The following LINGO2 variants were observed in gnomAD, a reference collection of about 807,000 sequenced individuals.
LINGO2 encodes the protein leucine rich repeat and Ig domain containing 2, also known as leucine-rich repeat and immunoglobulin-like domain-containing nogo receptor-interacting protein 2.
In LINGO2, 14 loss-of-function variants were observed where a neutral mutation model predicts 30.6. That is an observed-to-expected ratio of 0.46 (90% CI 0.30 to 0.72). LINGO2 has a LOEUF of 0.72. Among genes scored for constraint, LINGO2 ranks in the 30% least tolerant of loss-of-function variants. The pLI is 0.07. For synonymous variants in LINGO2, 317 were observed against 288.5 expected (o/e 1.10, Z -1.00); for missense variants, 729 against 751.7 (o/e 0.97, Z 0.35).
At chr9:28,950,003 C>T in the LINGO2 span, among the ~76,000 whole-genome samples, 1 of 150,756 alleles carries the variant, frequency 6.6e-6, no homozygotes, top group Non-Finnish European at 1.5e-5. Flanking sequence ...ATCAGCAGCA[C>T]ATTAAAACTG....
At chr9:28,794,406 G>C in the LINGO2 span, among the ~76,000 whole-genome samples, 3 of 152,208 alleles carry the variant, frequency 2.0e-5, no homozygotes, top group African/African-American at 7.2e-5. Context: ...GGGAAACATT[G>C]AGTTAGTTCT....
the LINGO2 span, among the ~76,000 whole-genome samples, chr9:28,935,673 C>T: frequency 6.8e-6 from 1 of 147,120 alleles, no homozygotes; most frequent in Non-Finnish European, 1.5e-5. Flanking sequence ...GTTATAGAGT[C>T]ATAAGAGGAT....
chr9:28,873,890 T>C, the LINGO2 span, among the ~76,000 whole-genome samples: 3 of 151,832 alleles, frequency 2.0e-5, no homozygotes, highest in Admixed American at 6.6e-5. Context: ...AAAATATATA[T>C]ATATAGCTGA....
intron 2 of LINGO2, among the ~76,000 whole-genome samples, chr9:28,427,679 T>C (rs1020026376): frequency 6.6e-6 from 1 of 152,146 alleles, no homozygotes; most frequent in Non-Finnish European, 1.5e-5. Context: ...GACTTTTAAA[T>C]GAATGTCACA....
At chr9:29,033,398 A>ATATATC in the LINGO2 span, among the ~76,000 whole-genome samples, 3 of 149,764 alleles carry the variant, frequency 2.0e-5, no homozygotes, top group African/African-American at 4.9e-5. Flanking sequence ...ATATATATAT[A>ATATATC]TCTCTTCTAT....
chr9:28,912,322 C>A, the LINGO2 span, among the ~76,000 whole-genome samples: 1 of 151,930 alleles, frequency 6.6e-6, no homozygotes, highest in African/African-American at 2.4e-5. Flanking sequence ...TTCTTTTTTG[C>A]CTTTGTTGGG....
At position 28,333,070 on chromosome 9, in the gene LINGO2, T is replaced by C. The variant is rs776859361; in HGVS notation, c.-245-37704A>G. 2.6e-5 allele frequency among the ~76,000 whole-genome samples: 4 copies of C among 152,154 alleles called. No homozygotes were observed. In the East Asian group the frequency reaches 7.7e-4, roughly 29 times the overall value. On this transcript the variant is annotated intron_variant, in intron 3 of 5. Coordinates refer to ENST00000379992, the Ensembl canonical transcript of LINGO2. Reference sequence around the variant, plus strand: ...TTACGGATCAAAATCCAGCTGGTCTTTCCAAAAATCAGTCAGTAAAAAGAA... The same window carrying C: ...TTACGGATCAAAATCCAGCTGGTCTCTCCAAAAATCAGTCAGTAAAAAGAA...
chr9:29,026,941 T>C, the LINGO2 span, among the ~76,000 whole-genome samples: 12 of 147,288 alleles, frequency 8.1e-5, no homozygotes, highest in Non-Finnish European at 1.5e-4. Context: ...ATAAATATAT[T>C]TAAACTAAAT....
chr9:28,718,617 A>G, the LINGO2 span, among the ~76,000 whole-genome samples: 1 of 152,014 alleles, frequency 6.6e-6, no homozygotes, highest in African/African-American at 2.4e-5. Context: ...ATTTTCCACT[A>G]AAGAGTCTTA....
chr9:28,589,101 C>A lies in LINGO2; in HGVS notation c.-365+81099G>T, dbSNP rs562518798. ...AAAGGCCTTTGAGAAAATTCAACAA[C>A]CCTTCATGCTAAAAACTCTCAATAA... On this transcript the variant is annotated intron_variant, in intron 1 of 5. Transcript: ENST00000379992. Among the ~76,000 whole-genome samples, 216 of 152,138 alleles carry A rather than the reference C, an allele frequency of 1.4e-3. 1 individual carries two copies. Among genetic ancestry groups the A allele is most frequent in the African/African-American group, 5.1e-3 (212 of 41,548 alleles).
At chr9:28,846,636 C>A in the LINGO2 span, among the ~76,000 whole-genome samples, 1 of 147,490 alleles carries the variant, frequency 6.8e-6, no homozygotes, top group African/African-American at 2.6e-5. Context: ...TTGTTTCCAC[C>A]TTTGTTCTTA....
intron 1 of LINGO2, among the ~76,000 whole-genome samples, chr9:28,635,365 G>C (rs751546152): frequency 6.6e-6 from 1 of 152,120 alleles, no homozygotes; most frequent in Non-Finnish European, 1.5e-5. Context: ...TATGATATTT[G>C]ATATAAAAAT....
chr9:28,307,018 C>T (rs943964031), intron 3 of LINGO2, among the ~76,000 whole-genome samples: 3 of 152,060 alleles, frequency 2.0e-5, no homozygotes, highest in Non-Finnish European at 2.9e-5. Context: ...GAACTGGTAC[C>T]ATTCCTTCTG....
At chr9:29,030,389 G>A in the LINGO2 span, among the ~76,000 whole-genome samples, 4 of 152,024 alleles carry the variant, frequency 2.6e-5, no homozygotes, top group Admixed American at 1.3e-4. Flanking sequence ...CCCCTCATCC[G>A]GATTTCCCTA....
intron 2 of LINGO2, among the ~76,000 whole-genome samples, chr9:28,433,949 C>CTCTCTCTCTCTCTCTCTATATATA (rs1225323260): frequency 1.8e-4 from 16 of 88,470 alleles, no homozygotes; most frequent in African/African-American, 7.2e-4. Flanking sequence ...CTCTCTCTCT[C>CTCTCTCTCTCTCTCTCTATATATA]TATATATATA....
intron 4 of LINGO2, among the ~76,000 whole-genome samples, chr9:28,045,741 C>G (rs1824390941): frequency 6.6e-6 from 1 of 152,096 alleles, no homozygotes; most frequent in African/African-American, 2.4e-5. Context: ...ATGCTAAGCA[C>G]TATGGAAGAT....
chr9:28,681,608 C>T, the LINGO2 span, among the ~76,000 whole-genome samples: 2 of 152,036 alleles, frequency 1.3e-5, no homozygotes, highest in East Asian at 1.9e-4. Flanking sequence ...ACAGCTGGCT[C>T]CTGGAACTGA....
At chr9:29,163,464 T>G in the LINGO2 span, among the ~76,000 whole-genome samples, 1 of 152,046 alleles carries the variant, frequency 6.6e-6, no homozygotes, top group Admixed American at 6.6e-5. Context: ...GAGATTAGAG[T>G]CTAATAATAC....
At chr9:28,543,403 A>T (rs1054049842) in intron 1 of LINGO2, among the ~76,000 whole-genome samples, 1 of 152,090 alleles carries the variant, frequency 6.6e-6, no homozygotes, top group Admixed American at 6.6e-5. Context: ...AATTAGAAAG[A>T]CAGTTCTGGA....
Sources: gnomAD v4.1 joint callset for allele counts (sites outside exome capture counted in the v4.1 genomes callset) on GRCh38, gnomAD v4.1.1 for gene constraint, MANE v1.5 for transcripts, NCBI Gene and HGNC (gene_info 2026-07-23, HGNC 2026-07-21) for gene names.